Variants in RP9 observed in about 807,000 individuals in gnomAD.
The protein encoded by RP9 is RP9 pre-mRNA splicing factor.
RP9 carries 23 observed loss-of-function variants against 32.6 expected under a neutral mutation model. That is an observed-to-expected ratio of 0.71 (90% CI 0.51 to 1.00). The LOEUF is 1.00. Among genes scored for constraint, RP9 ranks in the 50% least tolerant of loss-of-function variants. The pLI is 0.00. For synonymous variants in RP9, 94 were observed against 103.6 expected, an observed-to-expected ratio of 0.91 and a Z score of 0.56; for missense variants, 245 against 285.3, an observed-to-expected ratio of 0.86 and a Z score of 1.02.
At chr7:33,103,877 A>G (rs963411779) in intron 1 of RP9, among the ~76,000 whole-genome samples, 1 of 152,148 alleles carries the variant, frequency 6.6e-6, no homozygotes, top group Non-Finnish European at 1.5e-5. Flanking sequence ...CAGATATTAG[A>G]GAAAAAAAAA....
At chr7:33,095,827 C>T (rs1400745421) in intron 5 of RP9, among the ~76,000 whole-genome samples, 1 of 151,948 alleles carries the variant, frequency 6.6e-6, no homozygotes, top group African/African-American at 2.4e-5. Flanking sequence ...CTAATCATGT[C>T]TAATTTTTTT....
At position 33,099,299 on chromosome 7, in the gene RP9, A is replaced by G; in HGVS notation, c.313+8T>C. ...TTGCATGGATTAGGGAAACTCTCCCACACTCACACTGCATAACTTTGACTT... is the reference window on the plus strand; with the variant it reads ...TTGCATGGATTAGGGAAACTCTCCCGCACTCACACTGCATAACTTTGACTT... On this transcript the variant is annotated splice_region_variant and intron_variant, in intron 3 of 5. Coordinates refer to ENST00000297157, the MANE Select transcript of RP9 (RefSeq NM_203288.2). The G allele has an allele frequency of 6.2e-7, 1 of 1,612,740 alleles. No individual in the cohort carries two copies. Among genetic ancestry groups the G allele is most frequent in the Non-Finnish European group, 8.5e-7 (1 of 1,179,978 alleles).
chr7:33,106,780 C>G (rs550811597), intron 1 of RP9, among the ~76,000 whole-genome samples: 2 of 152,058 alleles, frequency 1.3e-5, no homozygotes, highest in South Asian at 4.2e-4. Flanking sequence ...CCCATCTCTA[C>G]TAAAAATATA....
At chr7:33,099,285 AG>A in intron 3 of RP9, 21 bp downstream of exon 3, 11 of 1,612,184 alleles carry the variant, frequency 6.8e-6, no homozygotes, top group Non-Finnish European at 7.6e-6. Flanking sequence ...TGCATGGATT[AG>A]GGAAACTCTC....
intron 1 of RP9, among the ~76,000 whole-genome samples, chr7:33,104,356 C>G (rs1326361488): frequency 6.6e-6 from 1 of 151,952 alleles, no homozygotes; most frequent in Non-Finnish European, 1.5e-5. Context: ...CTCTTGGGTA[C>G]TAGGCTTTGT....
intron 1 of RP9, chr7:33,100,968 T>C (rs1483234442): frequency 2.8e-6 from 1 of 361,350 alleles, no homozygotes; most frequent in African/African-American, 2.1e-5. Context: ...TATTTTTAGC[T>C]CAGGTCTGTC....
intron 1 of RP9, among the ~76,000 whole-genome samples, chr7:33,105,558 TATTA>T (rs1788487323): frequency 2.0e-5 from 3 of 152,068 alleles, no homozygotes; most frequent in Non-Finnish European, 2.9e-5. Context: ...CTCCTACAAA[TATTA>T]CCCTAACATT....
At chr7:33,099,950 C>A (rs966796047) in intron 2 of RP9, among the ~76,000 whole-genome samples, 48 of 152,144 alleles carry the variant, frequency 3.2e-4, no homozygotes, top group African/African-American at 1.1e-3. Flanking sequence ...GGATTTTTTT[C>A]AAGTTTCTAT....
intron 3 of RP9, among the ~76,000 whole-genome samples, chr7:33,098,791 A>G (rs917191682): frequency 6.6e-6 from 1 of 152,240 alleles, no homozygotes; most frequent in Non-Finnish European, 1.5e-5. Context: ...CGATTCCAGA[A>G]AAGTAAAGGT....
chr7:33,097,331 C>A lies in RP9; in HGVS notation c.345G>T (p.Thr115=). The A allele has an allele frequency of 2.5e-6, 4 of 1,613,824 alleles. No homozygotes were observed. Among genetic ancestry groups the A allele is most frequent in the Non-Finnish European group, 3.4e-6 (4 of 1,179,784 alleles). The change falls in exon 4 of 6, where the codon ACG becomes ACT. Residue 115 remains threonine (T), a synonymous_variant. Coordinates refer to ENST00000297157, the MANE Select transcript of RP9 (RefSeq NM_203288.2). ...CWRCKRYGHR[T]GDKECPFFIK... Reference sequence around the variant, plus strand: ...TAAAGAAAGGGCATTCTTTGTCACCCGTTCGGTGACCATAGCGTTTGCAAC... The same window carrying A: ...TAAAGAAAGGGCATTCTTTGTCACCAGTTCGGTGACCATAGCGTTTGCAAC...
At chr7:33,097,602 A>G (rs1382294713) in intron 3 of RP9, among the ~76,000 whole-genome samples, 1 of 152,182 alleles carries the variant, frequency 6.6e-6, no homozygotes. Flanking sequence ...AAGCAATCCA[A>G]TGGAGAATTA....
intron 4 of RP9, 62 bp from the exon 5 acceptor site, chr7:33,096,616 G>GA: frequency 1.8e-6 from 2 of 1,089,238 alleles, no homozygotes; most frequent in African/African-American, 3.1e-5. Flanking sequence ...TAAATACAAT[G>GA]AAATGCCTAT....
At chr7:33,100,330 G>C (rs1171883371) in intron 2 of RP9, 1 of 634,750 alleles carries the variant, frequency 1.6e-6, no homozygotes, top group Non-Finnish European at 2.8e-6. Flanking sequence ...CTTCAGGGAA[G>C]GGAAACATGG....
At position 33,095,121 on chromosome 7, in the gene RP9, A is replaced by G; in HGVS notation, c.*113T>C. The G allele has an allele frequency of 8.3e-7, 1 of 1,209,968 alleles. No individual in the cohort carries two copies. The highest frequency in any genetic ancestry group is 1.2e-6 in the Non-Finnish European group (1 of 821,814). 75.0% of individuals were successfully genotyped at this position (1,209,968 alleles called of 1,614,324 possible). ...AGGCGGGTGGGAGCTCACTGCTGTG[A>G]CCCACATATACTCCTCTCTCGGCGT... On this transcript the variant is annotated 3_prime_UTR_variant, in exon 6 of 6. Transcript: ENST00000297157.
chr7:33,097,650 T>C (rs2128031947), intron 3 of RP9, among the ~76,000 whole-genome samples: 1 of 152,260 alleles, frequency 6.6e-6, no homozygotes, highest in South Asian at 2.1e-4. Flanking sequence ...GATGGAGTCC[T>C]GCTCTGTCGC....
At position 33,109,120 on chromosome 7, in the gene RP9, G is replaced by A. The variant is rs1216124030; in HGVS notation, c.152+101C>T. 3.6e-6 allele frequency: 5 copies of A among 1,406,776 alleles called. No homozygotes were observed. Among genetic ancestry groups the A allele is most frequent in the African/African-American group, 1.5e-5 (1 of 65,814 alleles). 87.1% of individuals were successfully genotyped at this position (1,406,776 alleles called of 1,614,324 possible). ...GGCCCAGCCCCCCTGCCTGCTCGCG[G>A]GGGCTCGGAGGACCCGGCCTAGCGC... On this transcript the variant is annotated intron_variant, in intron 1 of 5. Coordinates refer to ENST00000297157, the MANE Select transcript of RP9 (RefSeq NM_203288.2). The surrounding 1 kb of genome is among the most constrained non-coding windows in gnomAD (Gnocchi z 4.9).
intron 1 of RP9, 45 bp from the exon 2 acceptor site, chr7:33,100,606 C>T (rs776941168): frequency 6.7e-7 from 1 of 1,501,224 alleles, no homozygotes; most frequent in Non-Finnish European, 9.3e-7. Flanking sequence ...TTAATGTAAA[C>T]ATAACACATC....
intron 5 of RP9, 69 bp downstream of exon 5, chr7:33,096,424 G>T: frequency 9.5e-7 from 1 of 1,057,130 alleles, no homozygotes; most frequent in Non-Finnish European, 1.5e-6. Flanking sequence ...TAACACTAGA[G>T]TGGTTTTCTC....
chr7:33,099,217 G>A, intron 3 of RP9, 90 bp downstream of exon 3: 6 of 1,480,416 alleles, frequency 4.1e-6, no homozygotes, highest in Non-Finnish European at 5.6e-6. Context: ...AGAGGGCTGT[G>A]ATGAGAACAA....
Sources: gnomAD v4.1 joint callset for allele counts (sites outside exome capture counted in the v4.1 genomes callset) on GRCh38, gnomAD v4.1.1 for gene constraint, Gnocchi (gnomAD v3.1) non-coding constraint, MANE v1.5 for transcripts, NCBI Gene and HGNC (gene_info 2026-07-23, HGNC 2026-07-21) for gene names.